CDH13: variants seen among roughly 807,000 people sequenced by gnomAD.
The protein encoded by CDH13 is cadherin-13.
Under a neutral mutation model 63.8 loss-of-function variants are expected in CDH13, and 24 were observed. The observed-to-expected ratio is 0.38, with a 90% confidence interval of 0.27 to 0.53. CDH13 has a LOEUF of 0.53. CDH13 is among the 20% of genes least tolerant of loss of function. The pLI, the probability that CDH13 is intolerant of heterozygous loss-of-function variation, is 0.85. For missense variants in CDH13, 1,049 were observed against 903.1 expected (o/e 1.16, Z -2.07); for synonymous variants, 503 against 355.3 (o/e 1.42, Z -4.67).
intron 7 of CDH13, among the ~76,000 whole-genome samples, chr16:83,563,033 A>G (rs73607855): frequency 0.01 from 1,568 of 152,286 alleles, 22 homozygotes; most frequent in African/African-American, 0.036. Flanking sequence ...TAGAAGGACC[A>G]TTGGATTAGC....
At chr16:82,773,697 A>C (rs1280902916) in intron 1 of CDH13, among the ~76,000 whole-genome samples, 1 of 152,184 alleles carries the variant, frequency 6.6e-6, no homozygotes, top group Non-Finnish European at 1.5e-5. Context: ...GACCTGAAGC[A>C]AACTGAAAAT....
intron 1 of CDH13, among the ~76,000 whole-genome samples, chr16:82,754,971 A>G (rs753246711): frequency 6.6e-5 from 10 of 152,218 alleles, no homozygotes; most frequent in Non-Finnish European, 1.0e-4. Context: ...ACTCAAGCCA[A>G]TGCTGTAGTT....
At chr16:83,092,826 T>C (rs189462243) in intron 3 of CDH13, among the ~76,000 whole-genome samples, 3 of 152,204 alleles carry the variant, frequency 2.0e-5, no homozygotes, top group African/African-American at 7.2e-5. Context: ...ATTTAGTACA[T>C]TAATTTTTCT....
At chr16:82,943,919 C>G (rs966166408) in intron 2 of CDH13, among the ~76,000 whole-genome samples, 1 of 152,206 alleles carries the variant, frequency 6.6e-6, no homozygotes, top group Non-Finnish European at 1.5e-5. Context: ...CTTCAGCTGA[C>G]TCTGCAACCT....
chr16:83,029,293 G>T (rs1208245525), intron 2 of CDH13, among the ~76,000 whole-genome samples: 4 of 152,172 alleles, frequency 2.6e-5, no homozygotes, highest in South Asian at 4.2e-4. Flanking sequence ...TAGATTCTCA[G>T]ATATTTATTT....
At chr16:82,835,893 C>G (rs186137376) in intron 1 of CDH13, among the ~76,000 whole-genome samples, 147 of 152,290 alleles carry the variant, frequency 9.7e-4, no homozygotes, top group Admixed American at 1.5e-3. Context: ...ACCAGGAAGT[C>G]TCTGCTACCA....
At chr16:83,231,042 C>G (rs74034435) in intron 5 of CDH13, among the ~76,000 whole-genome samples, 2,665 of 152,332 alleles carry the variant, frequency 0.017, 94 homozygotes, top group African/African-American at 0.061. Flanking sequence ...TCGCCCAGCT[C>G]TCTAAACTTG....
Position 83,478,177 on chromosome 16 carries a change from C to A in CDH13, c.782-8300C>A, listed in dbSNP as rs1267000443. Among the ~76,000 whole-genome samples the A allele has an allele frequency of 5.6e-5, 8 of 142,180 alleles. 1 individual carries two copies. The highest frequency in any genetic ancestry group is 1.3e-4 in the Non-Finnish European group (8 of 63,234). The allele number at this position is 142,180 out of a possible 152,430, so 93.3% of individuals were successfully genotyped here. A position where few individuals can be genotyped will look rare whatever the true frequency, so the allele number is the denominator to read the frequency against. ...TCCGTCTCAAAAAAAAAAAAAACATCAAAAGATCTGGCTAGTCCAGACTTG... is the reference window on the plus strand; with the variant it reads ...TCCGTCTCAAAAAAAAAAAAAACATAAAAAGATCTGGCTAGTCCAGACTTG... On this transcript the variant is annotated intron_variant, in intron 6 of 13. Coordinates refer to ENST00000567109, the MANE Select transcript of CDH13 (RefSeq NM_001257.5).
Position 83,511,061 on chromosome 16 carries a change from GAC to G in CDH13, c.960+24409_960+24410del, listed in dbSNP as rs964218569. Among the ~76,000 whole-genome samples the G allele has an allele frequency of 4.4e-5, 4 of 91,266 alleles. No individual in the cohort carries two copies. In the Admixed American group the frequency reaches 4.4e-4, roughly 10 times the overall value. The allele number at this position is 91,266 out of a possible 152,430, so 59.9% of individuals were successfully genotyped here. On this transcript the variant is annotated intron_variant, in intron 7 of 13. Coordinates refer to ENST00000567109, the MANE Select transcript of CDH13 (RefSeq NM_001257.5). ...GCATGCACACGTGTGTGCACACACAGACACGCACACACATGCACGCATGCACA... is the reference window on the plus strand; with the variant it reads ...GCATGCACACGTGTGTGCACACACAGACGCACACACATGCACGCATGCACA...
intron 5 of CDH13, among the ~76,000 whole-genome samples, chr16:83,311,538 G>C (rs2090001095): frequency 6.6e-6 from 1 of 152,118 alleles, no homozygotes; most frequent in Admixed American, 6.5e-5. Context: ...ATTCACAAAT[G>C]CATATGCTAT....
At position 83,571,925 on chromosome 16, in the gene CDH13, T is replaced by G. The variant is rs564019938; in HGVS notation, c.961-30529T>G. ...AGTCGCTCTGCATGGGGACAGATCCTGGCTCTGTCATTTCCTCTGGACTAA... is the reference window on the plus strand; with the variant it reads ...AGTCGCTCTGCATGGGGACAGATCCGGGCTCTGTCATTTCCTCTGGACTAA... On this transcript the variant is annotated intron_variant, in intron 7 of 13. Transcript: ENST00000567109. 2.6e-5 allele frequency among the ~76,000 whole-genome samples: 4 copies of G among 152,252 alleles called. No homozygotes were observed. In the East Asian group the frequency reaches 7.7e-4, roughly 29 times the overall value.
At chr16:83,762,884 C>T (rs1914088915) in intron 11 of CDH13, among the ~76,000 whole-genome samples, 3 of 152,198 alleles carry the variant, frequency 2.0e-5, no homozygotes, top group Admixed American at 2.0e-4. Context: ...AAATATTTTG[C>T]TCCAGGAAGC....
intron 1 of CDH13, among the ~76,000 whole-genome samples, chr16:82,816,980 C>T (rs1056293525): frequency 2.0e-5 from 3 of 152,072 alleles, no homozygotes; most frequent in Admixed American, 1.3e-4. Context: ...AGACTTTTTA[C>T]AGGGTCTCCC....
At chr16:82,710,237 A>G (rs1294588042) in intron 1 of CDH13, among the ~76,000 whole-genome samples, 4 of 145,856 alleles carry the variant, frequency 2.7e-5, no homozygotes, top group Non-Finnish European at 1.5e-5. Flanking sequence ...ATAAATTTAT[A>G]TATAAATATA....
intron 8 of CDH13, among the ~76,000 whole-genome samples, chr16:83,664,441 A>G (rs1394656438): frequency 6.6e-6 from 1 of 151,904 alleles, no homozygotes; most frequent in Non-Finnish European, 1.5e-5. Context: ...AATGAGCTTT[A>G]TGTAGAACTC....
chr16:83,052,913 C>T (rs8048962), intron 3 of CDH13, among the ~76,000 whole-genome samples: 85,630 of 151,494 alleles, frequency 0.57, 24,357 homozygotes, highest in Admixed American at 0.65. Flanking sequence ...ATAGGTTGTA[C>T]AGATTGGGCC....
chr16:83,059,405 T>C (rs2031286719), intron 3 of CDH13, among the ~76,000 whole-genome samples: 1 of 152,140 alleles, frequency 6.6e-6, no homozygotes, highest in Admixed American at 6.5e-5. Flanking sequence ...CATGTAAGCT[T>C]AGGTTGAACT....
chr16:82,995,459 G>T (rs142654428), intron 2 of CDH13, among the ~76,000 whole-genome samples: 12 of 152,272 alleles, frequency 7.9e-5, no homozygotes, highest in Non-Finnish European at 1.5e-4. Context: ...AAACGCAAAC[G>T]TGGTGGTGAA....
chr16:83,205,739 G>A (rs927574797), intron 4 of CDH13, among the ~76,000 whole-genome samples: 4 of 151,532 alleles, frequency 2.6e-5, no homozygotes, highest in Admixed American at 1.3e-4. Context: ...CAAGTAGCTG[G>A]GGCTACAAGT....
Sources: allele counts gnomAD v4.1 joint callset (sites outside exome capture counted in the v4.1 genomes callset), GRCh38; gene constraint gnomAD v4.1.1; transcripts MANE v1.5; gene names NCBI Gene and HGNC (gene_info 2026-07-23, HGNC 2026-07-21).